Variants in CNBD1 observed in about 807,000 individuals in gnomAD.
CNBD1 encodes the protein cyclic nucleotide-binding domain-containing protein 1.
CNBD1 carries 71 observed loss-of-function variants against 54.4 expected under a neutral mutation model. That is an observed-to-expected ratio of 1.30 (90% CI 1.08 to 1.59). CNBD1 has a LOEUF of 1.59. Among genes scored for constraint, CNBD1 ranks in the 40% most tolerant of loss-of-function variants. CNBD1 has a pLI of 0.00. For synonymous variants in CNBD1, 182 were observed against 170.7 expected (o/e 1.07, Z -0.51); for missense variants, 659 against 518.0 (o/e 1.27, Z -2.64).
At chr8:87,389,993 G>T (rs533018967) in intron 2 of CNBD1, among the ~76,000 whole-genome samples, 1 of 139,224 alleles carries the variant, frequency 7.2e-6, no homozygotes, top group African/African-American at 2.5e-5. Context: ...AACAAGCAAT[G>T]GGGAAAGGAT....
chr8:87,056,255 T>C (rs1810414803), intron 4 of CNBD1, among the ~76,000 whole-genome samples: 1 of 152,112 alleles, frequency 6.6e-6, no homozygotes, highest in Admixed American at 6.5e-5. Context: ...CTCCTTTCCA[T>C]GGTCATGTGG....
chr8:86,916,704 A>T (rs1191299175), intron 3 of CNBD1, among the ~76,000 whole-genome samples: 1 of 150,610 alleles, frequency 6.6e-6, no homozygotes, highest in African/African-American at 2.4e-5. Context: ...TTATTATTTT[A>T]TTTTTTATTT....
chr8:86,979,485 A>G (rs560735621), intron 4 of CNBD1, among the ~76,000 whole-genome samples: 1 of 150,918 alleles, frequency 6.6e-6, no homozygotes, highest in Admixed American at 6.7e-5. Context: ...CAGCTACTTC[A>G]CAGGCTGAGG....
intron 5 of CNBD1, among the ~76,000 whole-genome samples, chr8:87,234,231 T>C (rs1807526142): frequency 3.9e-5 from 6 of 152,162 alleles, no homozygotes; most frequent in Admixed American, 3.9e-4. Context: ...TTTTCCAAAC[T>C]CCTGTTAGTG....
At chr8:87,358,606 A>T (rs1474539565) in intron 10 of CNBD1, among the ~76,000 whole-genome samples, 1 of 152,298 alleles carries the variant, frequency 6.6e-6, no homozygotes, top group East Asian at 1.9e-4. Flanking sequence ...AATATACAAG[A>T]GGCGATCTAT....
At chr8:87,319,943 C>T (rs986264320) in intron 8 of CNBD1, among the ~76,000 whole-genome samples, 62 of 151,908 alleles carry the variant, frequency 4.1e-4, no homozygotes, top group African/African-American at 1.4e-3. Context: ...TATCTTTTCC[C>T]GTCTCTTTTT....
intron 5 of CNBD1, among the ~76,000 whole-genome samples, chr8:87,213,749 TTCCCAACAATC>T (rs1387712246): frequency 6.6e-6 from 1 of 152,162 alleles, no homozygotes; most frequent in Non-Finnish European, 1.5e-5. Flanking sequence ...CAATCATGTC[TTCCCAACAATC>T]TCCCAAAGTC....
At chr8:87,242,863 A>C (rs999098352) in intron 6 of CNBD1, among the ~76,000 whole-genome samples, 1 of 152,206 alleles carries the variant, frequency 6.6e-6, no homozygotes, top group African/African-American at 2.4e-5. Context: ...TCTTAATGGG[A>C]ATAAATCCCA....
At chr8:87,042,759 C>T (rs577973098) in intron 4 of CNBD1, among the ~76,000 whole-genome samples, 4 of 151,724 alleles carry the variant, frequency 2.6e-5, no homozygotes, top group African/African-American at 7.2e-5. Flanking sequence ...AATAATTATA[C>T]AATAAACATG....
At chr8:87,059,881 G>A (rs1810506236) in intron 4 of CNBD1, among the ~76,000 whole-genome samples, 1 of 152,200 alleles carries the variant, frequency 6.6e-6, no homozygotes, top group Non-Finnish European at 1.5e-5. Flanking sequence ...TCAGTCAAGG[G>A]AAGGTACCCC....
chr8:87,328,591 C>T (rs1809744078), intron 8 of CNBD1, among the ~76,000 whole-genome samples: 1 of 151,638 alleles, frequency 6.6e-6, no homozygotes, highest in South Asian at 2.1e-4. Context: ...GCTTGGAGTC[C>T]TTTGTGATTC....
At chr8:87,012,600 C>T (rs1029582006) in intron 4 of CNBD1, among the ~76,000 whole-genome samples, 1 of 152,166 alleles carries the variant, frequency 6.6e-6, no homozygotes, top group South Asian at 2.1e-4. Context: ...GAGCCAGTCA[C>T]CCTTTTAAGT....
chr8:87,177,767 T>C (rs1275897908), intron 4 of CNBD1, among the ~76,000 whole-genome samples: 1 of 152,172 alleles, frequency 6.6e-6, no homozygotes, highest in Non-Finnish European at 1.5e-5. Flanking sequence ...TAATTGATAA[T>C]GTTACATTAA....
chr8:87,302,837 C>G (rs567583696), intron 8 of CNBD1, among the ~76,000 whole-genome samples: 87 of 151,978 alleles, frequency 5.7e-4, no homozygotes, highest in Non-Finnish European at 1.1e-3. Flanking sequence ...TCTTATACAC[C>G]AGCAACAGAC....
At chr8:87,247,387 G>T (rs1049101439) in intron 6 of CNBD1, among the ~76,000 whole-genome samples, 4 of 152,170 alleles carry the variant, frequency 2.6e-5, no homozygotes, top group African/African-American at 9.7e-5. Context: ...CCCTGGCTGT[G>T]TCTCTTTCAA....
chr8:87,401,180 C>A (rs1013038531), intron 2 of CNBD1, among the ~76,000 whole-genome samples: 2 of 151,960 alleles, frequency 1.3e-5, no homozygotes, highest in African/African-American at 4.8e-5. Flanking sequence ...AAACCCAAAG[C>A]AAATATATTG....
intron 4 of CNBD1, among the ~76,000 whole-genome samples, chr8:87,120,568 A>T (rs1485627399): frequency 6.6e-6 from 1 of 151,272 alleles, no homozygotes; most frequent in Non-Finnish European, 1.5e-5. Context: ...TTTTGCTCTG[A>T]TTTCTGTTAT....
chr8:86,875,820 A>G (rs1030024673), intron 1 of CNBD1, among the ~76,000 whole-genome samples: 1 of 152,142 alleles, frequency 6.6e-6, no homozygotes, highest in African/African-American at 2.4e-5. Context: ...GTATTTAGGG[A>G]GATTATAATT....
intron 4 of CNBD1, among the ~76,000 whole-genome samples, chr8:87,038,326 G>A (rs146934947): frequency 1.2e-4 from 18 of 152,238 alleles, no homozygotes; most frequent in African/African-American, 3.9e-4. Flanking sequence ...TAATTGACGC[G>A]AGACTGGCTA....
Sources: gnomAD v4.1 joint callset for allele counts (sites outside exome capture counted in the v4.1 genomes callset) on GRCh38, gnomAD v4.1.1 for gene constraint, MANE v1.5 for transcripts, NCBI Gene and HGNC (gene_info 2026-07-23, HGNC 2026-07-21) for gene names.